ZBTB46: variants seen among roughly 807,000 people sequenced by gnomAD.
The protein encoded by ZBTB46 is zinc finger and BTB domain containing 46.
ZBTB46 carries 8 observed loss-of-function variants against 44.1 expected under a neutral mutation model. The ratio of observed to expected loss-of-function variants is 0.18; its 90% CI spans 0.11 to 0.33. ZBTB46 has a LOEUF of 0.33. ZBTB46 is among the 10% of genes least tolerant of loss of function. The pLI is 1.00. For synonymous variants in ZBTB46, 409 were observed against 382.3 expected (o/e 1.07, Z -0.81); for missense variants, 651 against 847.7 (o/e 0.77, Z 2.88).
intron 1 of ZBTB46, 47 bp from the exon 2 acceptor site, chr20:63,790,837 G>A: frequency 6.8e-7 from 1 of 1,467,188 alleles, no homozygotes; most frequent in Non-Finnish European, 9.0e-7. Flanking sequence ...ACAGACAGAG[G>A]CCGTGAGAGG....
chr20:63,795,574 G>A (rs531326665), intron 1 of ZBTB46, among the ~76,000 whole-genome samples: 14 of 152,368 alleles, frequency 9.2e-5, no homozygotes, highest in Non-Finnish European at 1.6e-4. Context: ...AACGAACTGA[G>A]GGCCTCAAAA....
chr20:63,799,660 T>C (rs1306234960), intron 1 of ZBTB46, among the ~76,000 whole-genome samples: 3 of 152,200 alleles, frequency 2.0e-5, no homozygotes, highest in African/African-American at 4.8e-5. Context: ...GTGAAACTAA[T>C]CTTTTAGCAG....
Position 63,790,882 on chromosome 20 carries a change from A to G in ZBTB46, c.-33-92T>C, listed in dbSNP as rs544104394. The G allele has an allele frequency of 3.4e-4, 482 of 1,438,556 alleles. No homozygotes were observed. The African/African-American group carries it at 6.4e-3, about 19-fold the overall frequency. 89.1% of individuals were successfully genotyped at this position (1,438,556 alleles called of 1,614,324 possible). A position where few individuals can be genotyped will look rare whatever the true frequency, so the allele number is the denominator to read the frequency against. The stretch of plus-strand genomic sequence containing the variant: ...GGGGCGCAGGAGGGCCATGGGGCAC[A>G]GAGTGCGGCCAGTGGGAGGACGACC... On this transcript the variant is annotated intron_variant, in intron 1 of 4. Transcript: ENST00000245663.
At chr20:63,789,552 C>T (rs796645206) in intron 2 of ZBTB46, among the ~76,000 whole-genome samples, 1 of 152,238 alleles carries the variant, frequency 6.6e-6, no homozygotes, top group Non-Finnish European at 1.5e-5. Context: ...CAGAGGGGCC[C>T]AGCCCAGGCA....
intron 1 of ZBTB46, among the ~76,000 whole-genome samples, chr20:63,807,073 C>T (rs1032527309): frequency 6.6e-6 from 1 of 152,118 alleles, no homozygotes; most frequent in African/African-American, 2.4e-5. Context: ...TGAGCCACCA[C>T]GCCTGGCCAG....
At chr20:63,809,310 T>G (rs2092704394) in intron 1 of ZBTB46, among the ~76,000 whole-genome samples, 1 of 152,162 alleles carries the variant, frequency 6.6e-6, no homozygotes, top group South Asian at 2.1e-4. Flanking sequence ...ATTCCAGGAA[T>G]GGGGTCCTGG....
At chr20:63,751,998 G>A (rs914428147) in intron 4 of ZBTB46, among the ~76,000 whole-genome samples, 1 of 152,104 alleles carries the variant, frequency 6.6e-6, no homozygotes, top group Non-Finnish European at 1.5e-5. Context: ...GGAGCCCGGG[G>A]CGCCTCCACT....
chr20:63,792,551 C>T (rs1248725049), intron 1 of ZBTB46, among the ~76,000 whole-genome samples: 3 of 151,866 alleles, frequency 2.0e-5, no homozygotes, highest in Non-Finnish European at 4.4e-5. Context: ...GAGTCTCGCT[C>T]TGTCCCCCAG....
intron 1 of ZBTB46, among the ~76,000 whole-genome samples, chr20:63,800,874 A>G (rs889145210): frequency 6.6e-6 from 1 of 152,120 alleles, no homozygotes; most frequent in African/African-American, 2.4e-5. Flanking sequence ...TCCCTGCTCT[A>G]CCGCGCTGGG....
intron 2 of ZBTB46, among the ~76,000 whole-genome samples, chr20:63,781,434 C>A (rs1352028763): frequency 6.6e-6 from 1 of 152,182 alleles, no homozygotes; most frequent in Non-Finnish European, 1.5e-5. Flanking sequence ...AAGACCTGGA[C>A]AGACACTTTA....
intron 2 of ZBTB46, among the ~76,000 whole-genome samples, chr20:63,785,243 A>G: frequency 7.0e-6 from 1 of 141,936 alleles, no homozygotes; most frequent in South Asian, 2.3e-4. Context: ...AAAAAAAGAA[A>G]AGAAAAGAAA....
intron 1 of ZBTB46, chr20:63,815,235 A>C: frequency 4.1e-6 from 1 of 246,204 alleles, no homozygotes; most frequent in South Asian, 3.6e-5. Context: ...CAGTGAGTGC[A>C]ATGGGTGCAG....
chr20:63,821,689 C>G (rs554786969), intron 1 of ZBTB46, among the ~76,000 whole-genome samples: 2 of 152,230 alleles, frequency 1.3e-5, no homozygotes, highest in South Asian at 4.1e-4. Context: ...CTCAGGTGAT[C>G]TGCCCACCTC....
At chr20:63,828,581 A>G (rs2146111498) in intron 1 of ZBTB46, among the ~76,000 whole-genome samples, 1 of 152,364 alleles carries the variant, frequency 6.6e-6, no homozygotes, top group East Asian at 1.9e-4. Flanking sequence ...CTTCCAGGTA[A>G]AACATGCAAA....
At chr20:63,758,267 A>T (rs1329069886) in intron 3 of ZBTB46, among the ~76,000 whole-genome samples, 11 of 148,100 alleles carry the variant, frequency 7.4e-5, no homozygotes, top group African/African-American at 1.5e-4. Context: ...CCCCTCCCCT[A>T]ATCACCCCTG....
rs1050341730 is a variant in ZBTB46 at position 63,803,039 on chromosome 20, G to A, written c.-33-12249C>T. Among the ~76,000 whole-genome samples the A allele has an allele frequency of 2.6e-4, 39 of 152,256 alleles. No individual in the cohort carries two copies. Among genetic ancestry groups the A allele is most frequent in the Non-Finnish European group, 7.4e-5 (5 of 68,024 alleles). On this transcript the variant is annotated intron_variant, in intron 1 of 4. Transcript: ENST00000245663. This position sits in a 1 kb window ranked among gnomAD's most constrained non-coding sequence, Gnocchi z 4.0. ...CACCAAAGAGCGCGATGCCACAGACGCCAACAGGAGGAAACACGTTTCTGG... is the reference window on the plus strand; with the variant it reads ...CACCAAAGAGCGCGATGCCACAGACACCAACAGGAGGAAACACGTTTCTGG...
At chr20:63,807,507 G>T (rs2092689177) in intron 1 of ZBTB46, among the ~76,000 whole-genome samples, 1 of 152,098 alleles carries the variant, frequency 6.6e-6, no homozygotes. Context: ...AGCATACCTG[G>T]CTAATTTTTG....
At chr20:63,810,550 G>C (rs138235566) in intron 1 of ZBTB46, among the ~76,000 whole-genome samples, 2 of 152,080 alleles carry the variant, frequency 1.3e-5, no homozygotes, top group African/African-American at 4.8e-5. Flanking sequence ...GTTTGAGACC[G>C]TCCTGGCCTA....
intron 1 of ZBTB46, among the ~76,000 whole-genome samples, chr20:63,818,208 C>T (rs1352611371): frequency 1.3e-5 from 2 of 152,234 alleles, no homozygotes; most frequent in Non-Finnish European, 2.9e-5. Context: ...GAGCCACTGG[C>T]GCCATCCACG....
Sources: gnomAD v4.1 joint callset for allele counts (sites outside exome capture counted in the v4.1 genomes callset) on GRCh38, gnomAD v4.1.1 for gene constraint, Gnocchi (gnomAD v3.1) non-coding constraint, MANE v1.5 for transcripts, NCBI Gene and HGNC (gene_info 2026-07-23, HGNC 2026-07-21) for gene names.